The following MBD5 variants were observed in gnomAD, a reference collection of about 807,000 sequenced individuals.
The protein encoded by MBD5 is methyl-CpG-binding domain protein 5.
MBD5 carries 13 observed loss-of-function variants against 117.3 expected under a neutral mutation model. That is an observed-to-expected ratio of 0.11 (90% CI 0.07 to 0.18). MBD5 has a LOEUF of 0.18. MBD5 is among the 10% of genes least tolerant of loss of function. MBD5 has a pLI of 1.00. For synonymous variants in MBD5, 727 were observed against 766.4 expected (o/e 0.95, Z 0.85); for missense variants, 1,879 against 2,093.8 (o/e 0.90, Z 2.00).
At chr2:148,360,452 T>C (rs1255076331) in intron 4 of MBD5, among the ~76,000 whole-genome samples, 5 of 152,166 alleles carry the variant, frequency 3.3e-5, no homozygotes, top group Admixed American at 3.3e-4. Flanking sequence ...CTGCAAAGGT[T>C]TTATTTGGTT....
chr2:148,203,114 A>T (rs1344596160), intron 2 of MBD5, among the ~76,000 whole-genome samples: 1 of 152,004 alleles, frequency 6.6e-6, no homozygotes, highest in African/African-American at 2.4e-5. Flanking sequence ...CAAAAAAAAA[A>T]AAAAAAAGCT....
chr2:148,267,058 T>C (rs1197272992), intron 3 of MBD5, among the ~76,000 whole-genome samples: 1 of 152,084 alleles, frequency 6.6e-6, no homozygotes, highest in East Asian at 1.9e-4. Flanking sequence ...TTAATATGAA[T>C]GCTATAAAGA....
At chr2:148,413,687 C>T (rs748885707) in intron 4 of MBD5, among the ~76,000 whole-genome samples, 1 of 151,476 alleles carries the variant, frequency 6.6e-6, no homozygotes, top group African/African-American at 2.4e-5. Flanking sequence ...GTTTCTTCCT[C>T]ATTCAATGTT....
intron 8 of MBD5, among the ~76,000 whole-genome samples, chr2:148,482,015 A>G (rs1681172873): frequency 6.6e-6 from 1 of 152,156 alleles, no homozygotes; most frequent in Admixed American, 6.6e-5. Flanking sequence ...CGCAATCAGA[A>G]TGGTAAAGAT....
intron 4 of MBD5, among the ~76,000 whole-genome samples, chr2:148,356,918 G>A (rs1018470426): frequency 6.6e-6 from 1 of 151,402 alleles, no homozygotes; most frequent in African/African-American, 2.4e-5. Context: ...TAATTCTGCT[G>A]TGATGAAGCG....
intron 3 of MBD5, among the ~76,000 whole-genome samples, chr2:148,336,265 C>A (rs1275323208): frequency 6.6e-6 from 1 of 152,102 alleles, no homozygotes; most frequent in East Asian, 1.9e-4. Context: ...TTCCTGGTAC[C>A]CCCACCAATA....
chr2:148,416,450 A>G (rs1705420877), intron 4 of MBD5, among the ~76,000 whole-genome samples: 2 of 152,010 alleles, frequency 1.3e-5, no homozygotes, highest in East Asian at 3.9e-4. Flanking sequence ...CATGCCAGCA[A>G]CCATGGCAGT....
chr2:148,089,425 G>A (rs147570292), intron 1 of MBD5, among the ~76,000 whole-genome samples: 25 of 151,962 alleles, frequency 1.6e-4, no homozygotes, highest in Admixed American at 5.9e-4. Context: ...AACATTCTCC[G>A]TGATAGACCA....
At chr2:148,444,588 T>C (rs1326485796) in intron 4 of MBD5, among the ~76,000 whole-genome samples, 1 of 151,244 alleles carries the variant, frequency 6.6e-6, no homozygotes, top group Non-Finnish European at 1.5e-5. Flanking sequence ...TCAATATTAA[T>C]CTTTCAGAAA....
At chr2:148,116,180 TG>T (rs1356104015) in intron 1 of MBD5, among the ~76,000 whole-genome samples, 1 of 135,292 alleles carries the variant, frequency 7.4e-6, no homozygotes, top group African/African-American at 2.8e-5. Context: ...TTTACCTACA[TG>T]TTTTTTTAAT....
chr2:148,105,501 G>C (rs1374659048), intron 1 of MBD5, among the ~76,000 whole-genome samples: 1 of 152,106 alleles, frequency 6.6e-6, no homozygotes, highest in Non-Finnish European at 1.5e-5. Flanking sequence ...TTGCAGGCAT[G>C]AGCCACCACG....
At chr2:148,270,432 A>G (rs1191673269) in intron 3 of MBD5, among the ~76,000 whole-genome samples, 1 of 146,880 alleles carries the variant, frequency 6.8e-6, no homozygotes, top group Non-Finnish European at 1.5e-5. Context: ...CCTGTCACCC[A>G]GACTGGAGTG....
chr2:148,047,798 T>A (rs1475097246), intron 1 of MBD5, among the ~76,000 whole-genome samples: 1 of 152,180 alleles, frequency 6.6e-6, no homozygotes, highest in African/African-American at 2.4e-5. Flanking sequence ...AGCTAAATTT[T>A]AAGTTATGAG....
chr2:148,453,548 A>G (rs1706790325), intron 4 of MBD5, among the ~76,000 whole-genome samples: 1 of 152,140 alleles, frequency 6.6e-6, no homozygotes, highest in Non-Finnish European at 1.5e-5. Flanking sequence ...AGGTACCTTC[A>G]TATCACAAAA....
intron 4 of MBD5, chr2:148,346,689 C>G (rs1703131473): frequency 6.6e-6 from 1 of 151,774 alleles, no homozygotes; most frequent in East Asian, 1.9e-4. Flanking sequence ...TTTATGTAGA[C>G]TGATAAGAAT....
intron 3 of MBD5, among the ~76,000 whole-genome samples, chr2:148,326,335 G>A (rs1031514792): frequency 2.4e-4 from 37 of 152,280 alleles, no homozygotes; most frequent in African/African-American, 6.3e-4. Flanking sequence ...GGAGAGTTCC[G>A]TAGATGTCTA....
chr2:148,266,531 C>A (rs1329657487), intron 3 of MBD5, among the ~76,000 whole-genome samples: 2 of 151,806 alleles, frequency 1.3e-5, no homozygotes, highest in South Asian at 2.1e-4. Flanking sequence ...CTACCCAATG[C>A]AGTAATAAAA....
chr2:148,174,639 G>A (rs1698339177), intron 1 of MBD5, among the ~76,000 whole-genome samples: 1 of 151,682 alleles, frequency 6.6e-6, no homozygotes, highest in African/African-American at 2.4e-5. Flanking sequence ...ATTGGAAACG[G>A]ACCTGAATAT....
chr2:148,102,825 CTT>C (rs2105307711), intron 1 of MBD5, among the ~76,000 whole-genome samples: 1 of 150,298 alleles, frequency 6.7e-6, no homozygotes, highest in South Asian at 2.1e-4. Flanking sequence ...CAGTAGAAGA[CTT>C]AGGAAAGCAG....
Sources: gnomAD v4.1 joint callset for allele counts (sites outside exome capture counted in the v4.1 genomes callset) on GRCh38, gnomAD v4.1.1 for gene constraint, MANE v1.5 for transcripts, NCBI Gene and HGNC (gene_info 2026-07-23, HGNC 2026-07-21) for gene names.